The following PLXNA1 variants were observed in gnomAD, a reference collection of about 807,000 sequenced individuals.
PLXNA1 encodes plexin A1.
PLXNA1 carries 77 observed loss-of-function variants against 191.7 expected under a neutral mutation model. The ratio of observed to expected loss-of-function variants is 0.40; its 90% CI spans 0.33 to 0.49. The LOEUF (loss-of-function observed/expected upper bound fraction) is 0.49, where lower values mean the gene tolerates loss of function less well. Among genes scored for constraint, PLXNA1 ranks in the 20% least tolerant of loss-of-function variants. The probability of loss-of-function intolerance (pLI) is 0.63; values close to 1 mark genes in which losing one functional copy is unlikely to be tolerated. For synonymous variants in PLXNA1, 1,137 were observed against 1,156.4 expected (o/e 0.98, Z 0.34); for missense variants, 2,110 against 2,660.2 (o/e 0.79, Z 4.55).
chr3:127,028,349 G>A lies in PLXNA1; in HGVS notation c.4669+9G>A. The A allele has an allele frequency of 6.2e-7, 1 of 1,607,084 alleles. No homozygotes were observed. Among genetic ancestry groups the A allele is most frequent in the Non-Finnish European group, 8.5e-7 (1 of 1,178,238 alleles). On this transcript the variant is annotated intron_variant, in intron 25 of 31. Transcript: ENST00000393409. ...CGCGGACATGGACCTGGGTGAGCGG[G>A]CGGGGCCACGGCTGCCCGGGGTGTG...
chr3:127,007,127 C>T (rs76991674), intron 8 of PLXNA1, among the ~76,000 whole-genome samples: 15,562 of 152,058 alleles, frequency 0.1, 1,017 homozygotes, highest in East Asian at 0.24. Flanking sequence ...CCGAGGGCTA[C>T]AGGAGAAGCA....
At position 127,020,342 on chromosome 3, in the gene PLXNA1, G is replaced by C. The variant is rs781641608; in HGVS notation, c.4036G>C (p.Glu1346Gln). ...IEDHPVLKEM[E>Q]VQANVEKSLT... ...GGACCACCCTGTGCTCAAGGAGATG[G>C]AGGTAGGACCACTGGCTCCGGGGGG... The change falls in exon 21 of 32, where the codon GAG becomes CAG. Residue 1346 changes from glutamate (E) to glutamine (Q), a missense_variant and splice_region_variant. This residue lies in a region of PLXNA1 where 559 missense variants were observed against 911.5 expected (regional missense o/e 0.61). Transcript: ENST00000393409. 1.9e-6 allele frequency: 3 copies of C among 1,612,484 alleles called. No individual in the cohort carries two copies. The highest frequency in any genetic ancestry group is 1.7e-5 in the Admixed American group (1 of 59,992).
chr3:127,011,451 A>G (rs888175540), intron 9 of PLXNA1, among the ~76,000 whole-genome samples: 3 of 152,134 alleles, frequency 2.0e-5, no homozygotes, highest in Non-Finnish European at 4.4e-5. Flanking sequence ...CAGCATCCCT[A>G]TTTAAAGCCC....
chr3:126,983,931 C>A (rs1254745075), intron 1 of PLXNA1, among the ~76,000 whole-genome samples: 2 of 152,164 alleles, frequency 1.3e-5, no homozygotes, highest in Non-Finnish European at 2.9e-5. Flanking sequence ...CAGCTGCCAC[C>A]GCTCCCACTG....
chr3:127,016,461 C>A, intron 15 of PLXNA1, 56 bp from the exon 16 acceptor site: 2 of 1,549,442 alleles, frequency 1.3e-6, no homozygotes, highest in East Asian at 4.5e-5. Flanking sequence ...CATCTGCATT[C>A]CACCTGCCTG....
rs1051167755 is a variant in PLXNA1 at position 127,007,780 on chromosome 3, A to G, written c.1998-19A>G. ...TGGTTGCGGGTCCCCAGGCTTCAGC[A>G]CCCACCCTCTCCCTGCAGCTGCCTG... On this transcript the variant is annotated intron_variant, in intron 8 of 31. Transcript: ENST00000393409. 1 of 1,574,714 alleles carries G rather than the reference A, an allele frequency of 6.4e-7. No individual in the cohort carries two copies.
At chr3:126,991,289 A>G (rs1388572491) in intron 2 of PLXNA1, 95 bp from the exon 3 acceptor site, 9 of 1,414,020 alleles carry the variant, frequency 6.4e-6, no homozygotes, top group African/African-American at 2.8e-5. Context: ...CAACCTCTCT[A>G]GAAAGACAAC....
intron 9 of PLXNA1, among the ~76,000 whole-genome samples, chr3:127,011,460 C>A (rs1477799086): frequency 6.6e-6 from 1 of 152,190 alleles, no homozygotes; most frequent in Non-Finnish European, 1.5e-5. Flanking sequence ...TATTTAAAGC[C>A]CAGCTTCTCA....
In PLXNA1 at chr3:126,989,784, C is replaced by T. The variant is rs774107686; in HGVS notation, c.1191C>T (p.Asn397=). The change falls in exon 2 of 32, where the codon AAC becomes AAT. Residue 397 remains asparagine, a synonymous_variant. Transcript: ENST00000393409. Reference sequence around the variant, plus strand: ...TCAACAAGGAGCTGGGCTGCATCAACTCGGTGAGTTGGGCAGGGGCGCCCC... The same window carrying T: ...TCAACAAGGAGCTGGGCTGCATCAATTCGGTGAGTTGGGCAGGGGCGCCCC... The part of the protein sequence containing the change: ...WLLNKELGCI[N]SPLQIDDDFC... 52 of 1,602,442 alleles carry T rather than the reference C, an allele frequency of 3.2e-5. No homozygotes were observed. The East Asian group carries it at 1.1e-3, about 33-fold the overall frequency.
chr3:126,983,728 C>G (rs1416747810), intron 1 of PLXNA1, among the ~76,000 whole-genome samples: 1 of 151,556 alleles, frequency 6.6e-6, no homozygotes, highest in African/African-American at 2.4e-5. Flanking sequence ...GGGGAGGCCC[C>G]TGCGGTGTCC....
At chr3:127,028,942 G>A (rs772317569) in intron 25 of PLXNA1, 51 bp from the exon 26 acceptor site, 1 of 1,429,186 alleles carries the variant, frequency 7.0e-7, no homozygotes, top group Non-Finnish European at 9.8e-7. Context: ...TGTGATGGAG[G>A]AGGGAAAGAG....
intron 7 of PLXNA1, among the ~76,000 whole-genome samples, chr3:127,005,773 G>A (rs1026629795): frequency 5.3e-5 from 8 of 152,066 alleles, no homozygotes; most frequent in African/African-American, 1.9e-4. Context: ...GGGACTTGGG[G>A]TGCAGGACCC....
chr3:127,021,692 C>T (rs1303607851), intron 21 of PLXNA1, among the ~76,000 whole-genome samples: 1 of 152,172 alleles, frequency 6.6e-6, no homozygotes, highest in Admixed American at 6.5e-5. Flanking sequence ...TGCTGCAGGC[C>T]CGCTGCAGGG....
intron 1 of PLXNA1, among the ~76,000 whole-genome samples, chr3:126,984,957 AC>A (rs998470712): frequency 5.9e-5 from 9 of 152,166 alleles, no homozygotes; most frequent in Non-Finnish European, 1.2e-4. Context: ...CGGGAGCAGA[AC>A]CACTGGGACC....
intron 29 of PLXNA1, among the ~76,000 whole-genome samples, chr3:127,030,941 C>T (rs577656134): frequency 3.3e-5 from 5 of 152,284 alleles, no homozygotes; most frequent in East Asian, 1.9e-4. Context: ...CAGCCTGCAC[C>T]GTGCACAGCT....
rs1371884285 is a variant in PLXNA1 at position 127,010,051 on chromosome 3, G to A, written c.2113-1907G>A. On this transcript the variant is annotated intron_variant, in intron 9 of 31. Coordinates refer to ENST00000393409, the MANE Select transcript of PLXNA1 (RefSeq NM_032242.4). ...CTATAGACTCCTTGCTTGAAGGAGA[G>A]GCTGGGGTCCCTTGAGGAAGGAGCC... 2.0e-5 allele frequency among the ~76,000 whole-genome samples: 3 copies of A among 152,238 alleles called. No individual in the cohort carries two copies. The East Asian group carries it at 5.8e-4, about 29-fold the overall frequency.
At chr3:126,996,261 G>C (rs1166659532) in intron 3 of PLXNA1, among the ~76,000 whole-genome samples, 2 of 152,190 alleles carry the variant, frequency 1.3e-5, no homozygotes, top group Non-Finnish European at 2.9e-5. Context: ...CTTCCTCTCT[G>C]CAGACAGCTG....
At chr3:127,020,743 C>T (rs975883857) in intron 21 of PLXNA1, among the ~76,000 whole-genome samples, 1 of 152,078 alleles carries the variant, frequency 6.6e-6, no homozygotes, top group African/African-American at 2.4e-5. Context: ...TTGGGGGTCC[C>T]GCCTGCGGCT....
chr3:127,021,919 A>G (rs1025310900), intron 21 of PLXNA1, among the ~76,000 whole-genome samples, 166 bp from the exon 22 acceptor site: 1 of 152,206 alleles, frequency 6.6e-6, no homozygotes, highest in Non-Finnish European at 1.5e-5. Context: ...AAGCTTGGGA[A>G]TGACCCGCCG....
Sources: gnomAD v4.1 joint callset for allele counts (sites outside exome capture counted in the v4.1 genomes callset) on GRCh38, gnomAD v4.1.1 for gene constraint, gnomAD v4.1.1 regional missense constraint, MANE v1.5 for transcripts, NCBI Gene and HGNC (gene_info 2026-07-23, HGNC 2026-07-21) for gene names.